Variants in GPC4 observed in about 807,000 individuals in gnomAD.
The protein encoded by GPC4 is glypican 4.
In GPC4, 10 loss-of-function variants were observed where a neutral mutation model predicts 35.0. The observed-to-expected ratio is 0.29, with a 90% CI of 0.18 to 0.48. GPC4 has a LOEUF of 0.48. Among genes scored for constraint, GPC4 ranks in the 20% least tolerant of loss-of-function variants. GPC4 has a pLI of 0.99. For missense variants in GPC4, 322 were observed against 451.3 expected (o/e 0.71, Z 2.60); for synonymous variants, 167 against 170.2 (o/e 0.98, Z 0.15).
rs2124100292 is a variant in GPC4 at position 133,301,341 on chromosome X, T to C, written c.*1526A>G. ...AAAGCAGGAAGAGACAGAATTTTAGTCTTTCTGAAGACTTCTGGGAACTCC... is the reference window on the plus strand; with the variant it reads ...AAAGCAGGAAGAGACAGAATTTTAGCCTTTCTGAAGACTTCTGGGAACTCC... On this transcript the variant is annotated 3_prime_UTR_variant, in exon 9 of 9. Coordinates refer to ENST00000370828, the MANE Select transcript of GPC4 (RefSeq NM_001448.3). 1 of 113,142 alleles carries C rather than the reference T, an allele frequency of 8.8e-6. No individual in the cohort carries two copies. The highest frequency in any genetic ancestry group is 3.6e-4 in the South Asian group (1 of 2,769). 9.3% of individuals were successfully genotyped at this position (113,142 alleles called of 1,213,427 possible).
chrX:133,322,055 C>A (rs987307190), intron 3 of GPC4, among the ~76,000 whole-genome samples: 4 of 111,799 alleles, frequency 3.6e-5, no homozygotes, highest in African/African-American at 1.3e-4. Context: ...TCTTTAGAAT[C>A]TTTATCCTCA....
chrX:133,385,152 A>G (rs895786685), intron 1 of GPC4, among the ~76,000 whole-genome samples: 6 of 112,287 alleles, frequency 5.3e-5, no homozygotes, highest in African/African-American at 1.9e-4. Flanking sequence ...CACAGCCTCT[A>G]TCTCACAGGA....
rs906764127 is a variant in GPC4 at position 133,410,825 on chromosome X, T to A, written c.160+3981A>T. Among the ~76,000 whole-genome samples the A allele has an allele frequency of 2.7e-5, 3 of 112,468 alleles. No homozygotes were observed. In the East Asian group the frequency reaches 8.3e-4, roughly 31 times the overall value. ...AGCCAGAACTTTAACTAAATTCTTT[T>A]TTGAACATGTCCAGAAGATACCTCC... On this transcript the variant is annotated intron_variant, in intron 1 of 8. Coordinates refer to ENST00000370828, the MANE Select transcript of GPC4 (RefSeq NM_001448.3).
intron 2 of GPC4, among the ~76,000 whole-genome samples, chrX:133,332,417 C>T (rs373259730): frequency 6.4e-5 from 7 of 108,595 alleles, no homozygotes; most frequent in East Asian, 5.7e-4. Flanking sequence ...TTTTTTTTTT[C>T]GAGACAGAGT....
intron 1 of GPC4, among the ~76,000 whole-genome samples, chrX:133,355,612 A>T (rs182491408): frequency 5.4e-5 from 6 of 112,062 alleles, no homozygotes; most frequent in African/African-American, 1.9e-4. Context: ...ACCAGTAAGT[A>T]GCAGTAAGCA....
chrX:133,388,532 C>A (rs903504552), intron 1 of GPC4, among the ~76,000 whole-genome samples: 10 of 111,341 alleles, frequency 9.0e-5, no homozygotes, highest in African/African-American at 2.9e-4. Flanking sequence ...AAACCAACAG[C>A]CAACTCCTTT....
chrX:133,304,871 A>AAAC lies in GPC4; in HGVS notation c.1156-13_1156-11dup, dbSNP rs760386176. On this transcript the variant is annotated splice_polypyrimidine_tract_variant and intron_variant, in intron 6 of 8. Coordinates refer to ENST00000370828, the MANE Select transcript of GPC4 (RefSeq NM_001448.3). Reference sequence around the variant, plus strand: ...CCTTGACATCAGTAACCTAATTATGAAACAACAACAACAAAAAAAGATCAT... The same window carrying AAAC: ...CCTTGACATCAGTAACCTAATTATGAAACAACAACAACAACAAAAAAAGATCAT... 6 of 1,205,112 alleles carry AAAC rather than the reference A, an allele frequency of 5.0e-6. No homozygotes were observed. In the East Asian group the frequency reaches 1.2e-4, roughly 24 times the overall value.
chrX:133,383,712 T>C (rs577380457), intron 1 of GPC4, among the ~76,000 whole-genome samples: 6 of 111,583 alleles, frequency 5.4e-5, no homozygotes, highest in Middle Eastern at 4.6e-3. Context: ...CCAGGTGTTG[T>C]GGTGCATGCC....
intron 1 of GPC4, among the ~76,000 whole-genome samples, chrX:133,366,040 C>T (rs2068588462): frequency 8.9e-6 from 1 of 111,999 alleles, no homozygotes; most frequent in Non-Finnish European, 1.9e-5. Context: ...GCAGAACATT[C>T]ATCAGCCTTC....
chrX:133,391,889 A>AT (rs1377666556), intron 1 of GPC4, among the ~76,000 whole-genome samples: 1 of 111,648 alleles, frequency 9.0e-6, no homozygotes, highest in Admixed American at 9.6e-5. Flanking sequence ...AACTCTACAA[A>AT]CGACAATCTA....
At chrX:133,313,596 G>C (rs2068325390) in intron 3 of GPC4, among the ~76,000 whole-genome samples, 1 of 111,694 alleles carries the variant, frequency 9.0e-6, no homozygotes, top group Non-Finnish European at 1.9e-5. Context: ...AACAGGACTG[G>C]AGGGGGGAGG....
chrX:133,324,628 G>GA lies in GPC4; in HGVS notation c.320-93dup, dbSNP rs771554688. ...GCTTTTCCAGTAAATTTGAAAACTGGAAAAAAAACACAATTAAATTGGAAA... is the reference window on the plus strand; with the variant it reads ...GCTTTTCCAGTAAATTTGAAAACTGGAAAAAAAAACACAATTAAATTGGAAA... On this transcript the variant is annotated intron_variant, in intron 2 of 8. Transcript: ENST00000370828. 1.3e-3 allele frequency: 1,064 copies of GA among 846,596 alleles called. 1 individual carries two copies. The highest frequency in any genetic ancestry group is 1.6e-3 in the Non-Finnish European group (979 of 620,485). The allele number at this position is 846,596 out of a possible 1,213,427, so 69.8% of individuals were successfully genotyped here.
chrX:133,410,155 G>A (rs191116296), intron 1 of GPC4, among the ~76,000 whole-genome samples: 15 of 112,028 alleles, frequency 1.3e-4, no homozygotes, highest in African/African-American at 4.2e-4. Flanking sequence ...AAATTGTGCC[G>A]TTTTGATGAT....
intron 1 of GPC4, among the ~76,000 whole-genome samples, chrX:133,343,504 TA>T (rs915904365): frequency 1.8e-5 from 2 of 111,902 alleles, no homozygotes; most frequent in African/African-American, 6.5e-5. Flanking sequence ...GTTCTTAATT[TA>T]AAAAGCAGGT....
At position 133,391,579 on chromosome X, in the gene GPC4, A is replaced by G. The variant is rs146388096; in HGVS notation, c.160+23227T>C. Among the ~76,000 whole-genome samples, 12 of 112,393 alleles carry G rather than the reference A, an allele frequency of 1.1e-4. No individual in the cohort carries two copies. In the East Asian group the frequency reaches 3.3e-3, roughly 31 times the overall value. ...ATTATTAACAGGCTTTAATCTGTTA[A>G]ATGTACTGCAGTCAACAATACCCAA... On this transcript the variant is annotated intron_variant, in intron 1 of 8. Transcript: ENST00000370828.
intron 1 of GPC4, among the ~76,000 whole-genome samples, chrX:133,377,345 T>A (rs999016757): frequency 3.2e-4 from 36 of 111,400 alleles, no homozygotes; most frequent in African/African-American, 1.1e-3. Flanking sequence ...ACCAGTTCTT[T>A]TTTCAGCCCT....
chrX:133,411,667 C>G (rs1243887349), intron 1 of GPC4, among the ~76,000 whole-genome samples: 1 of 111,632 alleles, frequency 9.0e-6, no homozygotes, highest in Non-Finnish European at 1.9e-5. Flanking sequence ...GCAGAAGCCC[C>G]TCCTGCCTTT....
chrX:133,378,174 T>C (rs1471010332), intron 1 of GPC4, among the ~76,000 whole-genome samples: 1 of 111,414 alleles, frequency 9.0e-6, no homozygotes, highest in Non-Finnish European at 1.9e-5. Flanking sequence ...GCATGAGCCA[T>C]CATGCCCAGC....
At chrX:133,382,416 C>T (rs1191518181) in intron 1 of GPC4, among the ~76,000 whole-genome samples, 2 of 65,840 alleles carry the variant, frequency 3.0e-5, no homozygotes, top group African/African-American at 1.3e-4. Flanking sequence ...ACAGAGGAGA[C>T]TCCGTCTCAA....
Sources: gnomAD v4.1 joint callset for allele counts (sites outside exome capture counted in the v4.1 genomes callset) on GRCh38, gnomAD v4.1.1 for gene constraint, MANE v1.5 for transcripts, NCBI Gene and HGNC (gene_info 2026-07-23, HGNC 2026-07-21) for gene names.